Variants in RTN4R observed in about 807,000 individuals in gnomAD.
The protein encoded by RTN4R is reticulon 4 receptor.
In RTN4R, 4 loss-of-function variants were observed where a neutral mutation model predicts 27.7. The observed-to-expected ratio is 0.14, with a 90% CI of 0.07 to 0.33. The LOEUF (loss-of-function observed/expected upper bound fraction) is 0.33, where lower values mean the gene tolerates loss of function less well. Among genes scored for constraint, RTN4R ranks in the 10% least tolerant of loss-of-function variants. RTN4R has a pLI of 1.00. For missense variants in RTN4R, 554 were observed against 671.5 expected (o/e 0.83, Z 1.93); for synonymous variants, 290 against 305.6 (o/e 0.95, Z 0.53).
intron 1 of RTN4R, among the ~76,000 whole-genome samples, chr22:20,261,914 G>A (rs1051881031): frequency 2.6e-5 from 4 of 152,248 alleles, no homozygotes; most frequent in African/African-American, 9.6e-5. Flanking sequence ...GAGAACGAAG[G>A]GGCCAAAGCT....
Position 20,268,271 on chromosome 22 carries a change from CGCA to C in RTN4R, c.-182_-180del. 6.0e-5 allele frequency: 9 copies of C among 150,004 alleles called. No individual in the cohort carries two copies. Among genetic ancestry groups the C allele is most frequent in the Non-Finnish European group, 8.7e-5 (6 of 69,232 alleles). The allele number at this position is 150,004 out of a possible 1,614,324, so 9.3% of individuals were successfully genotyped here. On this transcript the variant is annotated 5_prime_UTR_variant, in exon 1 of 2. Coordinates refer to ENST00000043402, the MANE Select transcript of RTN4R (RefSeq NM_023004.6). Reference sequence around the variant, plus strand: ...TCTGGCTGGGCTCGGGCCGCGGGTGCGCAGGGCGCGCAGGGCGCACAGGGCGAG... The same window carrying C: ...TCTGGCTGGGCTCGGGCCGCGGGTGCGGGCGCGCAGGGCGCACAGGGCGAG...
intron 1 of RTN4R, chr22:20,249,212 C>T (rs1430713273): frequency 1.9e-6 from 1 of 533,848 alleles, no homozygotes; most frequent in African/African-American, 1.9e-5. Context: ...CCAGAGGACA[C>T]TAATGAGCAA....
chr22:20,267,009 G>A (rs1319810253), intron 1 of RTN4R, among the ~76,000 whole-genome samples: 6 of 152,260 alleles, frequency 3.9e-5, no homozygotes, highest in Non-Finnish European at 8.8e-5. Context: ...ATGTGGGTGC[G>A]GGAGTGGTTA....
chr22:20,259,811 G>A (rs1219864684), intron 1 of RTN4R, among the ~76,000 whole-genome samples: 1 of 152,192 alleles, frequency 6.6e-6, no homozygotes, highest in Non-Finnish European at 1.5e-5. Flanking sequence ...GGGACCTTGT[G>A]GGCTTCAGCA....
intron 1 of RTN4R, among the ~76,000 whole-genome samples, chr22:20,245,533 TG>T (rs1390514869): frequency 6.6e-6 from 1 of 152,110 alleles, no homozygotes; most frequent in African/African-American, 2.4e-5. Flanking sequence ...GGGGCCAGAC[TG>T]GTGACTCACC....
At chr22:20,249,529 A>G (rs1322655758) in intron 1 of RTN4R, among the ~76,000 whole-genome samples, 4 of 152,236 alleles carry the variant, frequency 2.6e-5, no homozygotes, top group Non-Finnish European at 5.9e-5. Context: ...AGGGTGCACG[A>G]GCCAGGAGCA....
At chr22:20,267,326 C>A (rs1339929887) in intron 1 of RTN4R, among the ~76,000 whole-genome samples, 1 of 151,578 alleles carries the variant, frequency 6.6e-6, no homozygotes, top group Non-Finnish European at 1.5e-5. Flanking sequence ...ACCCTCCAGG[C>A]GGGGCATGCC....
chr22:20,245,934 C>T (rs1176843197), intron 1 of RTN4R, among the ~76,000 whole-genome samples: 2 of 152,256 alleles, frequency 1.3e-5, no homozygotes, highest in East Asian at 3.9e-4. Context: ...ACCGTCCCCA[C>T]CCAGGTTGGC....
Position 20,242,310 on chromosome 22 carries a change from G to A in RTN4R, c.823C>T (p.Leu275=). 8.1e-6 allele frequency: 13 copies of A among 1,608,070 alleles called. No individual in the cohort carries two copies. The highest frequency in any genetic ancestry group is 1.1e-5 in the Non-Finnish European group (13 of 1,178,162). The change falls in exon 2 of 2, where the codon CTG becomes TTG. Residue 275 remains leucine, a synonymous_variant. Coordinates refer to ENST00000043402, the MANE Select transcript of RTN4R (RefSeq NM_023004.6). ...DCRARPLWAW[L]QKFRGSSSEV... ...GAGGAGGAGCCGCGGAACTTCTGCA[G>A]CCAGGCCCAGAGTGGGCGTGCCCGG...
intron 1 of RTN4R, among the ~76,000 whole-genome samples, chr22:20,262,252 G>A (rs2051252087): frequency 6.6e-6 from 1 of 152,202 alleles, no homozygotes; most frequent in Non-Finnish European, 1.5e-5. Flanking sequence ...CCCAAGGTGT[G>A]TAGTGTGGGG....
intron 1 of RTN4R, among the ~76,000 whole-genome samples, chr22:20,266,825 C>T (rs759511636): frequency 6.6e-6 from 1 of 152,240 alleles, no homozygotes; most frequent in African/African-American, 2.4e-5. Flanking sequence ...CCTATGTGCC[C>T]GCAGGCACAC....
Position 20,241,482 on chromosome 22 carries a change from C to T in RTN4R, c.*229G>A. On this transcript the variant is annotated 3_prime_UTR_variant, in exon 2 of 2. Coordinates refer to ENST00000043402, the MANE Select transcript of RTN4R (RefSeq NM_023004.6). ...CACAAGTAAAATAAAATGCATATCT[C>T]TATATACCGCGATCTGGGTGGGAGG... 1 of 590,406 alleles carries T rather than the reference C, an allele frequency of 1.7e-6. No individual in the cohort carries two copies. The highest frequency in any genetic ancestry group is 2.0e-5 in the South Asian group (1 of 49,374). 36.6% of individuals were successfully genotyped at this position (590,406 alleles called of 1,614,324 possible). A position where few individuals can be genotyped will look rare whatever the true frequency, so the allele number is the denominator to read the frequency against.
intron 1 of RTN4R, among the ~76,000 whole-genome samples, chr22:20,249,586 C>T (rs768979013): frequency 1.1e-4 from 17 of 152,290 alleles, no homozygotes; most frequent in Non-Finnish European, 2.1e-4. Flanking sequence ...ACACGATAGG[C>T]GTGCATACCG....
chr22:20,253,688 G>A (rs766102571), intron 1 of RTN4R, among the ~76,000 whole-genome samples: 7 of 152,136 alleles, frequency 4.6e-5, no homozygotes, highest in African/African-American at 1.4e-4. Flanking sequence ...AGAGGAAGCC[G>A]ACAGTGTGGG....
At position 20,242,266 on chromosome 22, in the gene RTN4R, G is replaced by A. The variant is rs757198909; in HGVS notation, c.867C>T (p.Leu289=). The change falls in exon 2 of 2, where the codon CTC becomes CTT. Residue 289 remains leucine, a synonymous_variant. Coordinates refer to ENST00000043402, the MANE Select transcript of RTN4R (RefSeq NM_023004.6). ...RGSSSEVPCS[L]PQRLAGRDLK... The stretch of plus-strand genomic sequence containing the variant: ...GGTCACGGCCAGCCAGGCGTTGCGG[G>A]AGGCTGCAGGGCACCTCGGAGGAGG... The A allele has an allele frequency of 3.1e-6, 5 of 1,598,924 alleles. No homozygotes were observed. Among genetic ancestry groups the A allele is most frequent in the Non-Finnish European group, 4.3e-6 (5 of 1,173,874 alleles).
intron 1 of RTN4R, among the ~76,000 whole-genome samples, chr22:20,267,192 G>C (rs1446023099): frequency 1.3e-5 from 2 of 152,262 alleles, no homozygotes; most frequent in African/African-American, 4.8e-5. Context: ...GCGTTGGCTT[G>C]CATGTGCACC....
Position 20,241,768 on chromosome 22 carries a change from G to A in RTN4R, c.1365C>T (p.Cys455=), listed in dbSNP as rs374126911. The change falls in exon 2 of 2, where the codon TGC becomes TGT. Residue 455 remains cysteine, a synonymous_variant. Coordinates refer to ENST00000043402, the MANE Select transcript of RTN4R (RefSeq NM_023004.6). ...GCGCCAGGCCCAGGGGGGTGAGGCTGCAGGTGAGGCTGGGTAGGGCACCTG... is the reference window on the plus strand; with the variant it reads ...GCGCCAGGCCCAGGGGGGTGAGGCTACAGGTGAGGCTGGGTAGGGCACCTG... The part of the protein sequence containing the change: ...EGSGALPSLT[C]SLTPLGLALV... The A allele has an allele frequency of 6.0e-5, 94 of 1,554,458 alleles. No homozygotes were observed. The highest frequency in any genetic ancestry group is 8.0e-5 in the Non-Finnish European group (92 of 1,149,280).
chr22:20,250,019 G>A (rs1250216344), intron 1 of RTN4R, among the ~76,000 whole-genome samples: 1 of 152,184 alleles, frequency 6.6e-6, no homozygotes, highest in African/African-American at 2.4e-5. Context: ...CATAAGCAGT[G>A]CCTGCTAAGA....
chr22:20,259,862 C>T (rs1421283747), intron 1 of RTN4R, among the ~76,000 whole-genome samples: 1 of 152,188 alleles, frequency 6.6e-6, no homozygotes, highest in East Asian at 1.9e-4. Context: ...TAGAGCATGT[C>T]AAGAACCTCA....
Sources: allele counts gnomAD v4.1 joint callset (sites outside exome capture counted in the v4.1 genomes callset), GRCh38; gene constraint gnomAD v4.1.1; transcripts MANE v1.5; gene names NCBI Gene and HGNC (gene_info 2026-07-23, HGNC 2026-07-21).